Variants in SUPT3H observed in about 807,000 individuals in gnomAD.
SUPT3H encodes transcription initiation protein SPT3 homolog.
In SUPT3H, 44 loss-of-function variants were observed where a neutral mutation model predicts 44.3. That is an observed-to-expected ratio of 0.99 (90% confidence interval 0.78 to 1.28). The LOEUF is 1.28. Ranked by LOEUF, SUPT3H falls within the 50% of genes most tolerant of loss-of-function variation. The pLI, the probability that SUPT3H is intolerant of heterozygous loss-of-function variation, is 0.00. For missense variants in SUPT3H, 380 were observed against 387.1 expected, an observed-to-expected ratio of 0.98 and a Z score of 0.15; for synonymous variants, 124 against 125.6, an observed-to-expected ratio of 0.99 and a Z score of 0.09.
At chr6:45,274,671 A>G (rs1380437831) in intron 2 of SUPT3H, among the ~76,000 whole-genome samples, 1 of 152,208 alleles carries the variant, frequency 6.6e-6, no homozygotes, top group East Asian at 1.9e-4. Context: ...GCTTGAGCCC[A>G]GGAGTTTGAG....
chr6:44,870,323 G>A (rs956973664), intron 10 of SUPT3H, among the ~76,000 whole-genome samples: 4 of 152,158 alleles, frequency 2.6e-5, no homozygotes, highest in Non-Finnish European at 5.9e-5. Flanking sequence ...TCGGCCAGGC[G>A]TGGTGGTTCA....
At chr6:45,105,622 A>G (rs976270111) in intron 3 of SUPT3H, among the ~76,000 whole-genome samples, 1 of 152,188 alleles carries the variant, frequency 6.6e-6, no homozygotes, top group African/African-American at 2.4e-5. Flanking sequence ...TCAGTGAGTC[A>G]TAATCTTTCT....
chr6:45,108,500 G>C (rs1799587395), intron 2 of SUPT3H, among the ~76,000 whole-genome samples: 1 of 151,884 alleles, frequency 6.6e-6, no homozygotes, highest in Non-Finnish European at 1.5e-5. Context: ...AGAGAACTTT[G>C]ACTAACATAG....
rs112630309 is a variant in SUPT3H, at chr6:44,932,541, C to T, written c.912+112G>A. The stretch of plus-strand genomic sequence containing the variant: ...ATGCCACTTTTATACAACAAAATTA[C>T]AGTCACCACAAATTGCTTTCAACAA... On this transcript the variant is annotated intron_variant, in intron 10 of 10. Coordinates refer to ENST00000371459, the MANE Select transcript of SUPT3H (RefSeq NM_003599.4). 7.2e-3 allele frequency: 4,863 copies of T among 674,986 alleles called. 210 individuals carry two copies. In the African/African-American group the frequency reaches 0.081, roughly 11 times the overall value. The allele number at this position is 674,986 out of a possible 1,614,324, so 41.8% of individuals were successfully genotyped here.
intron 2 of SUPT3H, among the ~76,000 whole-genome samples, chr6:45,263,693 C>T (rs1234605306): frequency 2.0e-5 from 3 of 152,014 alleles, no homozygotes; most frequent in Admixed American, 6.6e-5. Context: ...ATGTAAAAAA[C>T]GGACTTGCTG....
chr6:45,236,031 C>T (rs1332836486), intron 2 of SUPT3H, among the ~76,000 whole-genome samples: 2 of 152,130 alleles, frequency 1.3e-5, no homozygotes, highest in Non-Finnish European at 2.9e-5. Context: ...GTAAGGAATA[C>T]TTTTAGTTAA....
intron 6 of SUPT3H, among the ~76,000 whole-genome samples, chr6:44,975,481 T>C (rs907914294): frequency 4.2e-4 from 64 of 151,960 alleles, no homozygotes; most frequent in African/African-American, 1.4e-3. Context: ...ATCTCAGGAA[T>C]GAAAAACTAA....
chr6:44,860,056 A>G (rs1774374495), intron 10 of SUPT3H, among the ~76,000 whole-genome samples: 1 of 152,216 alleles, frequency 6.6e-6, no homozygotes, highest in Non-Finnish European at 1.5e-5. Flanking sequence ...CATGACTCCC[A>G]CTGAGATAAG....
At chr6:44,890,716 A>C (rs1763152763) in intron 10 of SUPT3H, among the ~76,000 whole-genome samples, 1 of 151,248 alleles carries the variant, frequency 6.6e-6, no homozygotes. Context: ...TATGTAACTA[A>C]CCTGCACATT....
intron 2 of SUPT3H, among the ~76,000 whole-genome samples, chr6:45,364,414 C>A (rs1416701751): frequency 6.6e-6 from 1 of 152,152 alleles, no homozygotes; most frequent in African/African-American, 2.4e-5. Flanking sequence ...AAACCTTCAA[C>A]AGATATATTC....
chr6:45,158,278 A>T (rs1808237185), intron 2 of SUPT3H, among the ~76,000 whole-genome samples: 1 of 23,664 alleles, frequency 4.2e-5, no homozygotes, highest in Non-Finnish European at 7.7e-5. Flanking sequence ...AAATATACAT[A>T]TATATATATA....
In SUPT3H at chr6:45,014,804, C is replaced by G; in HGVS notation, c.361G>C (p.Glu121Gln). The G allele has an allele frequency of 6.3e-7, 1 of 1,581,328 alleles. No individual in the cohort carries two copies. Among genetic ancestry groups the G allele is most frequent in the Non-Finnish European group, 8.6e-7 (1 of 1,166,158 alleles). Residue 121 changes from glutamate (E) to glutamine (Q), a missense_variant, in exon 5 of 11, where the codon GAA becomes CAA. Transcript: ENST00000371459. ...TTTTGTGTTTTGTTTTGGTTACCTT[C>G]GAGAAGATCATCCTCATCGATGCCT... ...VKGIDEDDLL[E>Q]DKLSGSNNAN...
At chr6:45,253,527 A>G (rs1772749264) in intron 2 of SUPT3H, among the ~76,000 whole-genome samples, 1 of 152,098 alleles carries the variant, frequency 6.6e-6, no homozygotes, top group Non-Finnish European at 1.5e-5. Flanking sequence ...CCAGTGGCTC[A>G]TGGCTGTAAT....
chr6:45,115,764 A>G (rs564101901), intron 2 of SUPT3H, among the ~76,000 whole-genome samples: 1 of 152,324 alleles, frequency 6.6e-6, no homozygotes, highest in East Asian at 1.9e-4. Context: ...ATGCACTTAC[A>G]TTCAACGAAT....
chr6:45,043,291 C>A (rs1479863705), intron 3 of SUPT3H, among the ~76,000 whole-genome samples: 2 of 152,094 alleles, frequency 1.3e-5, no homozygotes, highest in Non-Finnish European at 2.9e-5. Flanking sequence ...GACAAATGCA[C>A]ACAAATAGAA....
intron 10 of SUPT3H, among the ~76,000 whole-genome samples, chr6:44,860,243 T>G (rs139592822): frequency 1.3e-5 from 2 of 152,344 alleles, no homozygotes; most frequent in African/African-American, 4.8e-5. Flanking sequence ...ATACATATCC[T>G]CTGCCCTGAT....
intron 2 of SUPT3H, among the ~76,000 whole-genome samples, chr6:45,210,726 T>C (rs538902758): frequency 6.6e-6 from 1 of 152,350 alleles, no homozygotes; most frequent in Non-Finnish European, 1.5e-5. Flanking sequence ...CTGTCTCAGA[T>C]ACTTTTGCAT....
At chr6:45,237,620 G>T (rs1373909373) in intron 2 of SUPT3H, among the ~76,000 whole-genome samples, 18 of 152,264 alleles carry the variant, frequency 1.2e-4, no homozygotes, top group East Asian at 1.9e-4. Context: ...TATCATTTTT[G>T]ATGGCAGCCA....
At chr6:45,268,355 T>C (rs1011727004) in intron 2 of SUPT3H, among the ~76,000 whole-genome samples, 1 of 152,154 alleles carries the variant, frequency 6.6e-6, no homozygotes, top group Non-Finnish European at 1.5e-5. Flanking sequence ...TTTCCACAGC[T>C]TAGCACCTAG....
Sources: allele counts gnomAD v4.1 joint callset (sites outside exome capture counted in the v4.1 genomes callset), GRCh38; gene constraint gnomAD v4.1.1; transcripts MANE v1.5; gene names NCBI Gene and HGNC (gene_info 2026-07-23, HGNC 2026-07-21).